Variants in ACSBG2 observed in about 807,000 individuals in gnomAD.
The protein encoded by ACSBG2 is acyl-CoA synthetase bubblegum family member 2.
ACSBG2 carries 62 observed loss-of-function variants against 74.7 expected under a neutral mutation model. That is an observed-to-expected ratio of 0.83 (90% CI 0.68 to 1.03). The LOEUF (loss-of-function observed/expected upper bound fraction) is 1.03. Ranked by LOEUF, ACSBG2 falls within the 50% of genes least tolerant of loss-of-function variation. The pLI, the probability that ACSBG2 is intolerant of heterozygous loss-of-function variation, is 0.00. For missense variants in ACSBG2, 730 were observed against 817.6 expected (o/e 0.89, Z 1.31); for synonymous variants, 309 against 294.1 (o/e 1.05, Z -0.52).
At chr19:6,140,588 G>A (rs1006409996) in intron 1 of ACSBG2, among the ~76,000 whole-genome samples, 1 of 152,024 alleles carries the variant, frequency 6.6e-6, no homozygotes, top group African/African-American at 2.4e-5. Flanking sequence ...GCTGAGGCAC[G>A]AGAATTGCTT....
At chr19:6,164,295 G>A (rs558814525) in intron 6 of ACSBG2, among the ~76,000 whole-genome samples, 1 of 152,284 alleles carries the variant, frequency 6.6e-6, no homozygotes, top group Non-Finnish European at 1.5e-5. Flanking sequence ...CAGAGGGCTT[G>A]TGTGTGCTCT....
chr19:6,138,469 GGA>G (rs2088667654), intron 1 of ACSBG2, among the ~76,000 whole-genome samples: 2 of 135,204 alleles, frequency 1.5e-5, no homozygotes, highest in Non-Finnish European at 3.1e-5. Context: ...GAAGAGAGAG[GGA>G]GAGAGAGAGG....
chr19:6,138,712 G>C (rs1386266235), intron 1 of ACSBG2, among the ~76,000 whole-genome samples: 1 of 148,662 alleles, frequency 6.7e-6, no homozygotes. Flanking sequence ...AACGAAGGGA[G>C]GAAAGAAGGA....
At position 6,185,632 on chromosome 19, in the gene ACSBG2, T is replaced by C; in HGVS notation, c.1519T>C (p.Tyr507His). 5 of 1,614,180 alleles carry C rather than the reference T, an allele frequency of 3.1e-6. No individual in the cohort carries two copies. Among genetic ancestry groups the C allele is most frequent in the South Asian group, 1.1e-5 (1 of 91,080 alleles). Reference protein sequence around the residue: ...LGQLDGLGFLYVTGHIKEILI... With the variant: ...LGQLDGLGFLHVTGHIKEILI... ...CCAGCTGGACGGTCTGGGTTTCCTC[T>C]ATGTCACCGGCCACATCAAAGGTAC... Residue 507 changes from tyrosine (Y) to histidine (H), a missense_variant, in exon 11 of 15, where the codon TAT (tyrosine) becomes CAT (histidine). Physicochemically the swap from Tyr to His is moderately conservative, Grantham distance 83. Coordinates refer to ENST00000588485, the MANE Select transcript of ACSBG2 (RefSeq NM_030924.5).
At chr19:6,191,777 A>G (rs1184816001) in intron 14 of ACSBG2, 5 of 152,036 alleles carry the variant, frequency 3.3e-5, no homozygotes, top group African/African-American at 7.3e-5. Flanking sequence ...CATCATATCC[A>G]TTGTCCTTTG....
At chr19:6,136,474 C>T (rs867583712) in intron 1 of ACSBG2, among the ~76,000 whole-genome samples, 2 of 151,936 alleles carry the variant, frequency 1.3e-5, no homozygotes, top group Admixed American at 6.6e-5. Context: ...GTGATCCACC[C>T]GCCTCGACCT....
At chr19:6,146,818 C>A (rs1244578273) in intron 2 of ACSBG2, among the ~76,000 whole-genome samples, 2 of 151,692 alleles carry the variant, frequency 1.3e-5, no homozygotes, top group African/African-American at 2.4e-5. Flanking sequence ...AAGATGGGGC[C>A]AGGTGCGGTG....
At chr19:6,166,566 G>C (rs532355508) in intron 7 of ACSBG2, among the ~76,000 whole-genome samples, 28 of 152,166 alleles carry the variant, frequency 1.8e-4, no homozygotes, top group African/African-American at 6.0e-4. Context: ...CACCGCCTTG[G>C]CCTCCCAAAG....
At chr19:6,187,158 C>T in intron 11 of ACSBG2, 125 bp from the exon 12 acceptor site, 1 of 1,356,282 alleles carries the variant, frequency 7.4e-7, no homozygotes, top group Non-Finnish European at 1.0e-6. Context: ...GTGCACACCA[C>T]CAAACCTGGC....
chr19:6,167,818 A>G (rs1401093818), intron 7 of ACSBG2, among the ~76,000 whole-genome samples: 4 of 152,216 alleles, frequency 2.6e-5, no homozygotes, highest in African/African-American at 9.6e-5. Flanking sequence ...CGGGAGTACA[A>G]ATTAAAAGTT....
intron 6 of ACSBG2, 192 bp downstream of exon 6, chr19:6,161,487 G>GA: frequency 1.9e-6 from 1 of 534,402 alleles, no homozygotes. Flanking sequence ...GCCTTGTGAG[G>GA]AAAGTGGGTG....
At chr19:6,158,999 C>T (rs184478740) in intron 5 of ACSBG2, among the ~76,000 whole-genome samples, 98 of 151,842 alleles carry the variant, frequency 6.5e-4, no homozygotes, top group African/African-American at 2.2e-3. Context: ...ACTTTGTCGT[C>T]CAGTCTGGAG....
At chr19:6,136,737 G>A (rs2088586036) in intron 1 of ACSBG2, among the ~76,000 whole-genome samples, 1 of 152,118 alleles carries the variant, frequency 6.6e-6, no homozygotes, top group Non-Finnish European at 1.5e-5. Flanking sequence ...ACGATTTAAT[G>A]AATAACGATA....
chr19:6,181,057 A>G lies in ACSBG2; in HGVS notation c.907-1694A>G, dbSNP rs886320438. On this transcript the variant is annotated intron_variant, in intron 8 of 14. Transcript: ENST00000588485. ...CTCCGTCTCTACTAAAAAAAAAAAA[A>G]AAAAAGAAAAAGAAAAATTAGCCAG... Among the ~76,000 whole-genome samples, 9 of 148,892 alleles carry G rather than the reference A, an allele frequency of 6.0e-5. No homozygotes were observed. In the East Asian group the frequency reaches 1.4e-3, roughly 22 times the overall value.
rs1217927935 is a variant in ACSBG2 at position 6,188,592 on chromosome 19, C to T, written c.1927+747C>T. Among the ~76,000 whole-genome samples, 5 of 152,162 alleles carry T rather than the reference C, an allele frequency of 3.3e-5. No individual in the cohort carries two copies. The East Asian group carries it at 9.6e-4, about 29-fold the overall frequency. On this transcript the variant is annotated intron_variant, in intron 13 of 14. Coordinates refer to ENST00000588485, the MANE Select transcript of ACSBG2 (RefSeq NM_030924.5). ...GCAGTGAGCCACAATCATGCCAGTGCACTCCAGCCTAGGCAATGCAGTGAG... is the reference window on the plus strand; with the variant it reads ...GCAGTGAGCCACAATCATGCCAGTGTACTCCAGCCTAGGCAATGCAGTGAG...
intron 2 of ACSBG2, among the ~76,000 whole-genome samples, chr19:6,143,386 AAAAACAAAAAC>A (rs1041420289): frequency 3.5e-5 from 5 of 141,472 alleles, no homozygotes; most frequent in African/African-American, 6.1e-5. Flanking sequence ...TCTGTCTCAA[AAAAACAAAAAC>A]AAAAACAAAA....
At chr19:6,160,389 CAA>C (rs1007071793) in intron 5 of ACSBG2, among the ~76,000 whole-genome samples, 14 of 59,714 alleles carry the variant, frequency 2.3e-4, no homozygotes, top group African/African-American at 5.5e-4. Flanking sequence ...GACTCCGTCT[CAA>C]AAAAAAAAAA....
chr19:6,144,981 A>C (rs1237299717), intron 2 of ACSBG2, among the ~76,000 whole-genome samples: 1 of 152,044 alleles, frequency 6.6e-6, no homozygotes, highest in Non-Finnish European at 1.5e-5. Context: ...ACAGGCATGA[A>C]CCAGCCTGCT....
chr19:6,159,233 C>G (rs527587276), intron 5 of ACSBG2, among the ~76,000 whole-genome samples: 1 of 152,370 alleles, frequency 6.6e-6, no homozygotes, highest in South Asian at 2.1e-4. Flanking sequence ...GCTGGGATTA[C>G]AGGCATGAAC....
Sources: allele counts gnomAD v4.1 joint callset (sites outside exome capture counted in the v4.1 genomes callset), GRCh38; gene constraint gnomAD v4.1.1; transcripts MANE v1.5; gene names NCBI Gene and HGNC (gene_info 2026-07-23, HGNC 2026-07-21).